PTDSS1: variants seen among roughly 807,000 people sequenced by gnomAD.
The protein encoded by PTDSS1 is phosphatidylserine synthase 1.
PTDSS1 carries 45 observed loss-of-function variants against 70.5 expected under a neutral mutation model. That is an observed-to-expected ratio of 0.64 (90% CI 0.50 to 0.82). The LOEUF is 0.82. PTDSS1 is among the 40% of genes least tolerant of loss of function. The pLI is 0.00. For synonymous variants in PTDSS1, 188 were observed against 203.8 expected, an observed-to-expected ratio of 0.92 and a Z score of 0.66; for missense variants, 417 against 586.1, an observed-to-expected ratio of 0.71 and a Z score of 2.98.
chr8:96,316,752 T>G (rs896953298), intron 9 of PTDSS1, among the ~76,000 whole-genome samples: 1 of 152,120 alleles, frequency 6.6e-6, no homozygotes, highest in Non-Finnish European at 1.5e-5. Context: ...CCAAGCACTT[T>G]GGGAGGCCAA....
chr8:96,288,855 C>T (rs1268262419), intron 4 of PTDSS1, among the ~76,000 whole-genome samples: 2 of 151,976 alleles, frequency 1.3e-5, no homozygotes, highest in Non-Finnish European at 2.9e-5. Flanking sequence ...TCTCAAACTC[C>T]TGACCTTGAC....
At chr8:96,301,882 T>C (rs1309576415) in intron 6 of PTDSS1, among the ~76,000 whole-genome samples, 1 of 152,182 alleles carries the variant, frequency 6.6e-6, no homozygotes. Context: ...TATTTTGGTA[T>C]ATGATGTGAG....
At chr8:96,315,303 T>G (rs1472197676) in intron 9 of PTDSS1, among the ~76,000 whole-genome samples, 1 of 152,192 alleles carries the variant, frequency 6.6e-6, no homozygotes, top group Non-Finnish European at 1.5e-5. Flanking sequence ...CTCTCAGCCA[T>G]CCAGGGATTG....
intron 9 of PTDSS1, 26 bp from the exon 10 acceptor site, chr8:96,320,220 T>C: frequency 6.5e-7 from 1 of 1,539,886 alleles, no homozygotes. Flanking sequence ...GGATTAATAC[T>C]TAACCTCTGT....
chr8:96,279,986 C>G (rs1347798818), intron 2 of PTDSS1, among the ~76,000 whole-genome samples: 1 of 152,036 alleles, frequency 6.6e-6, no homozygotes, highest in East Asian at 1.9e-4. Context: ...GAGCCTCTGG[C>G]CTGAGGATAC....
intron 9 of PTDSS1, among the ~76,000 whole-genome samples, chr8:96,313,772 A>G (rs1811245851): frequency 6.6e-6 from 1 of 152,154 alleles, no homozygotes; most frequent in African/African-American, 2.4e-5. Flanking sequence ...TGTGTCCATC[A>G]CAATAAGTTC....
chr8:96,277,689 G>A (rs1201600659), intron 2 of PTDSS1, among the ~76,000 whole-genome samples: 1 of 152,180 alleles, frequency 6.6e-6, no homozygotes, highest in East Asian at 1.9e-4. Context: ...CTGTGTATAG[G>A]CCAAAAGTGG....
Position 96,321,860 on chromosome 8 carries a change from A to C in PTDSS1, c.1173+1515A>C, listed in dbSNP as rs548151682. On this transcript the variant is annotated intron_variant, in intron 10 of 12. Transcript: ENST00000517309. ...GGAATAATGATCTCCTTTGTATTTAAACTACAGAATTAATGCCCAAGTATA... is the reference window on the plus strand; with the variant it reads ...GGAATAATGATCTCCTTTGTATTTACACTACAGAATTAATGCCCAAGTATA... Among the ~76,000 whole-genome samples the C allele has an allele frequency of 3.3e-5, 5 of 152,310 alleles. No homozygotes were observed. The East Asian group carries it at 7.7e-4, about 24-fold the overall frequency.
intron 8 of PTDSS1, among the ~76,000 whole-genome samples, chr8:96,307,812 T>C (rs1811147503): frequency 6.6e-6 from 1 of 152,200 alleles, no homozygotes; most frequent in Non-Finnish European, 1.5e-5. Flanking sequence ...TAGAACAAAA[T>C]AGCAAATCGT....
intron 5 of PTDSS1, among the ~76,000 whole-genome samples, chr8:96,296,104 C>T (rs1430887273): frequency 2.7e-5 from 4 of 149,380 alleles, no homozygotes; most frequent in Non-Finnish European, 5.9e-5. Context: ...GGCATTCTCC[C>T]TGTGCGTGTC....
In PTDSS1 at chr8:96,304,775, A is replaced by G. The variant is rs138190880; in HGVS notation, c.894+594A>G. Among the ~76,000 whole-genome samples the G allele has an allele frequency of 4.8e-3, 730 of 152,280 alleles. 2 individuals are homozygous for G. Among genetic ancestry groups the G allele is most frequent in the African/African-American group, 0.014 (586 of 41,550 alleles). On this transcript the variant is annotated intron_variant, in intron 7 of 12. Transcript: ENST00000517309. The stretch of plus-strand genomic sequence containing the variant: ...GCATCTGTGTTTCTGAGAGACAGCA[A>G]TTTTTTCTGATGCTCCTGGCCCCAG...
chr8:96,284,873 A>C (rs1386306417), intron 3 of PTDSS1, among the ~76,000 whole-genome samples: 1 of 152,218 alleles, frequency 6.6e-6, no homozygotes, highest in East Asian at 1.9e-4. Context: ...CAGAGCTTCT[A>C]GGTAACTCTT....
chr8:96,270,010 A>T (rs1810542691), intron 1 of PTDSS1, among the ~76,000 whole-genome samples: 1 of 152,160 alleles, frequency 6.6e-6, no homozygotes. Flanking sequence ...TATGAGGTAG[A>T]ACTATTACCA....
rs111556920 is a variant in PTDSS1 at position 96,299,726 on chromosome 8, C to T, written c.633C>T (p.Ala211=). Residue 211 remains alanine (A), a synonymous_variant, in exon 6 of 13, where the codon GCC becomes GCT. Transcript: ENST00000517309. ...LFFMHLLPNF[A]ECWWDQVILD... is the part of the protein sequence containing the mutation. ...TCATGCATCTCCTCCCCAATTTTGC[C>T]GAGTGCTGGTGGGATCAAGTCATTC... 121 of 1,612,188 alleles carry T rather than the reference C, an allele frequency of 7.5e-5. No homozygotes were observed. Among genetic ancestry groups the T allele is most frequent in the Non-Finnish European group, 9.3e-5 (110 of 1,179,424 alleles).
chr8:96,307,449 C>CAAA (rs56284473), intron 8 of PTDSS1, among the ~76,000 whole-genome samples: 9 of 50,650 alleles, frequency 1.8e-4, no homozygotes, highest in East Asian at 1.7e-3. Context: ...TCAATATTAC[C>CAAA]AAAAAAAAAA....
intron 6 of PTDSS1, among the ~76,000 whole-genome samples, chr8:96,300,332 A>C (rs1221361624): frequency 6.6e-6 from 1 of 152,000 alleles, no homozygotes; most frequent in East Asian, 1.9e-4. Context: ...TCCTTTCTCT[A>C]CACCCTCCCA....
rs1811596242 is a variant in PTDSS1 at position 96,336,565 on chromosome 8, GC to G, written c.*3000del. The G allele has an allele frequency of 6.6e-6, 1 of 152,070 alleles. No homozygotes were observed. Among genetic ancestry groups the G allele is most frequent in the Non-Finnish European group, 1.5e-5 (1 of 68,074 alleles). The allele number at this position is 152,070 out of a possible 1,614,324, so 9.4% of individuals were successfully genotyped here. ...CTTTGGAATGTGCTCAGTGACTGCT[GC>G]AGAGTTCCTGGGCCACCCTAATGTT... On this transcript the variant is annotated 3_prime_UTR_variant, in exon 13 of 13. Transcript: ENST00000517309.
At chr8:96,287,307 C>T in intron 4 of PTDSS1, 161 bp downstream of exon 4, 2 of 924,416 alleles carry the variant, frequency 2.2e-6, no homozygotes, top group Non-Finnish European at 1.6e-6. Flanking sequence ...TGGTTGTCCA[C>T]AGGTGATAGA....
At chr8:96,324,662 C>A (rs969542641) in intron 10 of PTDSS1, among the ~76,000 whole-genome samples, 1 of 152,184 alleles carries the variant, frequency 6.6e-6, no homozygotes, top group African/African-American at 2.4e-5. Context: ...TGAATCCATT[C>A]ATGAGGGCTT....
Sources: allele counts gnomAD v4.1 joint callset (sites outside exome capture counted in the v4.1 genomes callset), GRCh38; gene constraint gnomAD v4.1.1; transcripts MANE v1.5; gene names NCBI Gene and HGNC (gene_info 2026-07-23, HGNC 2026-07-21).